The following SLC22A9 variants were observed in gnomAD, a reference collection of about 807,000 sequenced individuals.
SLC22A9 encodes the protein solute carrier family 22 member 9, also known as organic anion transporter 7.
Under a neutral mutation model 50.1 loss-of-function variants are expected in SLC22A9, and 64 were observed. The ratio of observed to expected loss-of-function variants is 1.28; its 90% CI spans 1.04 to 1.57. SLC22A9 has a LOEUF of 1.57. Among genes scored for constraint, SLC22A9 ranks in the 40% most tolerant of loss-of-function variants. The probability of loss-of-function intolerance (pLI) is 0.00; values close to 1 mark genes in which losing one functional copy is unlikely to be tolerated. For missense variants in SLC22A9, 757 were observed against 676.1 expected, an observed-to-expected ratio of 1.12 and a Z score of -1.33; for synonymous variants, 261 against 242.5, an observed-to-expected ratio of 1.08 and a Z score of -0.71.
At chr11:63,386,305 C>T (rs1294946815) in intron 6 of SLC22A9, among the ~76,000 whole-genome samples, 1 of 152,002 alleles carries the variant, frequency 6.6e-6, no homozygotes. Context: ...TAGCATGATG[C>T]TGGCCTCATA....
At chr11:63,387,274 G>A (rs1229576260) in intron 6 of SLC22A9, among the ~76,000 whole-genome samples, 1 of 151,840 alleles carries the variant, frequency 6.6e-6, no homozygotes, top group Non-Finnish European at 1.5e-5. Flanking sequence ...CATAGTTTGA[G>A]GTCTTAGATT....
chr11:63,403,221 G>GTGAC (rs1171205761), intron 6 of SLC22A9, among the ~76,000 whole-genome samples: 3 of 152,028 alleles, frequency 2.0e-5, no homozygotes, highest in African/African-American at 7.2e-5. Context: ...GCAAGATAAA[G>GTGAC]TGACTGACTT....
At chr11:63,386,434 CTTTTTTTTTTTTTTTTTTTTT>C (rs71065364) in intron 6 of SLC22A9, among the ~76,000 whole-genome samples, 9 of 33,504 alleles carry the variant, frequency 2.7e-4, no homozygotes, top group Non-Finnish European at 3.7e-4. Context: ...TGGACCTGGA[CTTTTTTTTTTTTTTTTTTTTT>C]TTTTTTTTTT....
At chr11:63,395,595 A>G (rs557038355) in intron 6 of SLC22A9, among the ~76,000 whole-genome samples, 11 of 152,260 alleles carry the variant, frequency 7.2e-5, no homozygotes, top group Admixed American at 7.2e-4. Context: ...GGCCATGGAT[A>G]CCAGCACCTG....
At chr11:63,384,908 CAT>C (rs760429089) in intron 6 of SLC22A9, among the ~76,000 whole-genome samples, 44 of 152,180 alleles carry the variant, frequency 2.9e-4, no homozygotes, top group Non-Finnish European at 5.3e-4. Context: ...AGCTTTTTTT[CAT>C]ATGTTTGTTA....
At chr11:63,397,740 G>A (rs2014884660) in intron 6 of SLC22A9, among the ~76,000 whole-genome samples, 1 of 152,108 alleles carries the variant, frequency 6.6e-6, no homozygotes, top group Non-Finnish European at 1.5e-5. Flanking sequence ...CAGCTTGTGT[G>A]AATGCTGCTT....
intron 4 of SLC22A9, 38 bp from the exon 5 acceptor site, chr11:63,375,607 T>C (rs868423616): frequency 1.3e-6 from 2 of 1,597,778 alleles, no homozygotes; most frequent in African/African-American, 1.3e-5. Context: ...AATGAGGAAG[T>C]GAAAGTCGAC....
chr11:63,389,394 A>G (rs1431496009), intron 6 of SLC22A9, among the ~76,000 whole-genome samples: 4 of 139,274 alleles, frequency 2.9e-5, no homozygotes, highest in South Asian at 4.3e-4. Context: ...ATGTGTTCTC[A>G]TTGTTCAACT....
At chr11:63,373,581 C>G in intron 2 of SLC22A9, 63 bp from the exon 3 acceptor site, 2 of 1,440,154 alleles carry the variant, frequency 1.4e-6, no homozygotes, top group Admixed American at 5.5e-5. Flanking sequence ...TGTGCCTTCT[C>G]TTTGCTAAGT....
chr11:63,382,621 A>G (rs1214557598), intron 6 of SLC22A9, among the ~76,000 whole-genome samples: 1 of 152,188 alleles, frequency 6.6e-6, no homozygotes, highest in Non-Finnish European at 1.5e-5. Flanking sequence ...GTACACAAAT[A>G]TATACAGCTC....
intron 6 of SLC22A9, among the ~76,000 whole-genome samples, chr11:63,384,946 A>T (rs1158287879): frequency 6.6e-6 from 1 of 151,944 alleles, no homozygotes; most frequent in Non-Finnish European, 1.5e-5. Context: ...GCTTTTGAGA[A>T]GTGTCTCTTC....
intron 6 of SLC22A9, among the ~76,000 whole-genome samples, chr11:63,388,341 T>C (rs769180923): frequency 9.2e-5 from 14 of 152,022 alleles, no homozygotes; most frequent in Non-Finnish European, 2.1e-4. Flanking sequence ...GGTATGTTCT[T>C]CTATGCCCAG....
intron 5 of SLC22A9, among the ~76,000 whole-genome samples, chr11:63,378,236 A>C (rs1413706848): frequency 6.6e-6 from 1 of 151,628 alleles, no homozygotes; most frequent in Non-Finnish European, 1.5e-5. Context: ...GCAGAGAAAA[A>C]AATTTTAAAA....
In SLC22A9 at chr11:63,382,707, G is replaced by A. The variant is rs563338973; in HGVS notation, c.1073+430G>A. 3.5e-3 allele frequency among the ~76,000 whole-genome samples: 539 copies of A among 152,116 alleles called. 5 individuals carry two copies. Among genetic ancestry groups the A allele is most frequent in the African/African-American group, 0.012 (505 of 41,486 alleles). Reference sequence around the variant, plus strand: ...ACCTCTAAAATACTAGGACATGATCGCAAGCATAGAAAAAACATAAATAGG... The same window carrying A: ...ACCTCTAAAATACTAGGACATGATCACAAGCATAGAAAAAACATAAATAGG... On this transcript the variant is annotated intron_variant, in intron 6 of 9. Coordinates refer to ENST00000279178, the MANE Select transcript of SLC22A9 (RefSeq NM_080866.3).
At chr11:63,385,884 G>T (rs1285656716) in intron 6 of SLC22A9, among the ~76,000 whole-genome samples, 1 of 152,142 alleles carries the variant, frequency 6.6e-6, no homozygotes, top group Non-Finnish European at 1.5e-5. Context: ...TTTTCAAGGG[G>T]AATGCTTCCA....
At position 63,369,866 on chromosome 11, in the gene SLC22A9, G is replaced by A; in HGVS notation, c.-191G>A. On this transcript the variant is annotated 5_prime_UTR_variant, in exon 1 of 10. Transcript: ENST00000279178. ...CTTTAGAGAAAACGGCTACCTATCT[G>A]ACCCCAAAACGACTTGAGGAAACTG... The A allele has an allele frequency of 1.9e-6, 1 of 536,834 alleles. No individual in the cohort carries two copies. The highest frequency in any genetic ancestry group is 3.2e-6 in the Non-Finnish European group (1 of 312,722). 33.3% of individuals were successfully genotyped at this position (536,834 alleles called of 1,614,324 possible). A position where few individuals can be genotyped will look rare whatever the true frequency, so the allele number is the denominator to read the frequency against.
In SLC22A9 at chr11:63,408,781, C is replaced by G. The variant is rs752093210; in HGVS notation, c.1503C>G (p.Ile501Met). ...SVYSPPLPWI[I>M]YGVFPFISGF... ...ATTCTCCACCCCTGCCCTGGATCAT[C>G]TATGGAGTCTTCCCCTTCATCTCTG... is the stretch of plus-strand genomic sequence containing the variant. The change falls in exon 9 of 10, where the codon ATC becomes ATG. Residue 501 changes from isoleucine (I) to methionine (M), a missense_variant. Coordinates refer to ENST00000279178, the MANE Select transcript of SLC22A9 (RefSeq NM_080866.3). 2.5e-6 allele frequency: 4 copies of G among 1,613,872 alleles called. No homozygotes were observed. The African/African-American group carries it at 4.0e-5, about 16-fold the overall frequency.
chr11:63,387,072 C>A (rs898183367), intron 6 of SLC22A9, among the ~76,000 whole-genome samples: 1 of 151,928 alleles, frequency 6.6e-6, no homozygotes. Context: ...TAGCTGCAAC[C>A]CACAGATTCT....
At chr11:63,382,523 G>A (rs1237999353) in intron 6 of SLC22A9, among the ~76,000 whole-genome samples, 2 of 152,152 alleles carry the variant, frequency 1.3e-5, no homozygotes, top group Non-Finnish European at 2.9e-5. Context: ...CCAACGCAGA[G>A]AACTTCAATT....
Sources: allele counts gnomAD v4.1 joint callset (sites outside exome capture counted in the v4.1 genomes callset), GRCh38; gene constraint gnomAD v4.1.1; transcripts MANE v1.5; gene names NCBI Gene and HGNC (gene_info 2026-07-23, HGNC 2026-07-21).